GDA: variants seen among roughly 807,000 people sequenced by gnomAD.
GDA encodes cytoplasmic PSD-95 interactor.
In GDA, 18 loss-of-function variants were observed where a neutral mutation model predicts 59.6. That is an observed-to-expected ratio of 0.30 (90% confidence interval 0.21 to 0.45). The LOEUF is 0.45. GDA is among the 20% of genes least tolerant of loss of function. The pLI is 1.00. For synonymous variants in GDA, 201 were observed against 201.1 expected (o/e 1.00, Z 0.00); for missense variants, 427 against 552.3 (o/e 0.77, Z 2.27).
chr9:72,119,931 C>G (rs1430510555), intron 1 of GDA, among the ~76,000 whole-genome samples: 1 of 152,152 alleles, frequency 6.6e-6, no homozygotes, highest in Non-Finnish European at 1.5e-5. Context: ...AAAAGAGTCA[C>G]ATTTCTGTGT....
At position 72,248,142 on chromosome 9, in the gene GDA, G is replaced by A. The variant is rs969654704; in HGVS notation, c.1295-130G>A. The A allele has an allele frequency of 4.3e-5, 30 of 703,516 alleles. 1 individual carries two copies. Among genetic ancestry groups the A allele is most frequent in the East Asian group, 1.3e-4 (5 of 39,916 alleles). The allele number at this position is 703,516 out of a possible 1,614,324, so 43.6% of individuals were successfully genotyped here. A position where few individuals can be genotyped will look rare whatever the true frequency, so the allele number is the denominator to read the frequency against. ...CTGTTCAGATTATAAACAATCTGAG[G>A]GTTGGGGGAAAGCAGCTTTTAGTAT... is the stretch of plus-strand genomic sequence containing the variant. On this transcript the variant is annotated intron_variant, in intron 13 of 13. Transcript: ENST00000358399.
At chr9:72,169,760 TAACA>T (rs1041626009) in intron 1 of GDA, among the ~76,000 whole-genome samples, 3 of 152,208 alleles carry the variant, frequency 2.0e-5, no homozygotes, top group Non-Finnish European at 4.4e-5. Context: ...GTCAATCTGA[TAACA>T]AACAAGCTAA....
chr9:72,238,559 T>C (rs1212068550), intron 10 of GDA, among the ~76,000 whole-genome samples: 1 of 152,254 alleles, frequency 6.6e-6, no homozygotes, highest in Non-Finnish European at 1.5e-5. Flanking sequence ...GATTGCTGAA[T>C]AAGTGAATGA....
chr9:72,143,548 A>G (rs1826518599), intron 1 of GDA, among the ~76,000 whole-genome samples: 1 of 152,194 alleles, frequency 6.6e-6, no homozygotes, highest in South Asian at 2.1e-4. Flanking sequence ...ACAGCTGCCT[A>G]CATACTACTT....
intron 1 of GDA, among the ~76,000 whole-genome samples, chr9:72,173,475 C>T (rs553113988): frequency 5.9e-5 from 9 of 152,078 alleles, no homozygotes; most frequent in African/African-American, 1.4e-4. Flanking sequence ...GGAATACAGG[C>T]GTGTGCCACC....
chr9:72,144,661 G>T (rs1024235603), upstream of GDA, among the ~76,000 whole-genome samples: 3 of 152,106 alleles, frequency 2.0e-5, no homozygotes, highest in Non-Finnish European at 4.4e-5. Flanking sequence ...TCTCTCTATT[G>T]TCAGTAAATA....
In GDA at chr9:72,245,161, T is replaced by G. The variant is rs761636375; in HGVS notation, c.1149T>G (p.Asp383Glu). 5.0e-6 allele frequency: 8 copies of G among 1,613,816 alleles called. No homozygotes were observed. The South Asian group carries it at 8.8e-5, about 18-fold the overall frequency. ...TGTTCTCAATAGCCCTGGGGCTGGATGGTGAGATTGGAAACTTTGAAGTGG... is the reference window on the plus strand; with the variant it reads ...TGTTCTCAATAGCCCTGGGGCTGGAGGGTGAGATTGGAAACTTTGAAGTGG... ...TLGGSQALGL[D>E]GEIGNFEVGK... The change falls in exon 12 of 14, where the codon GAT becomes GAG. Residue 383 changes from aspartate to glutamate, a missense_variant. Transcript: ENST00000358399.
At position 72,252,080 on chromosome 9, in the gene GDA, C is replaced by T. The variant is rs1424904202; in HGVS notation, c.*3738C>T. Reference sequence around the variant, plus strand: ...ACCACTTTACATTTGTTGTTAAACTCCTGATCGCTACTCTTAAGAATATAC... The same window carrying T: ...ACCACTTTACATTTGTTGTTAAACTTCTGATCGCTACTCTTAAGAATATAC... On this transcript the variant is annotated 3_prime_UTR_variant, in exon 14 of 14. Coordinates refer to ENST00000358399, the MANE Select transcript of GDA (RefSeq NM_004293.5). 6.6e-6 allele frequency: 1 copy of T among 152,542 alleles called. No individual in the cohort carries two copies. Among genetic ancestry groups the T allele is most frequent in the Non-Finnish European group, 1.5e-5 (1 of 68,002 alleles). The allele number at this position is 152,542 out of a possible 1,614,324, so 9.4% of individuals were successfully genotyped here.
chr9:72,258,838 C>T (rs2131914708), downstream of GDA, among the ~76,000 whole-genome samples: 1 of 152,234 alleles, frequency 6.6e-6, no homozygotes, highest in Admixed American at 6.5e-5. Context: ...TCTTCTGCTG[C>T]AGTGTGCCCC....
chr9:72,199,279 G>A lies in GDA; in HGVS notation c.213-3292G>A, dbSNP rs190420648. ...GCTTCTGTGTGTACCAATATTATCTGTAATTAATCCTGGACTGTAACCTTG... is the reference window on the plus strand; with the variant it reads ...GCTTCTGTGTGTACCAATATTATCTATAATTAATCCTGGACTGTAACCTTG... On this transcript the variant is annotated intron_variant, in intron 2 of 13. Coordinates refer to ENST00000358399, the MANE Select transcript of GDA (RefSeq NM_004293.5). 2.7e-4 allele frequency among the ~76,000 whole-genome samples: 41 copies of A among 152,208 alleles called. 2 individuals carry two copies. The highest frequency in any genetic ancestry group is 1.3e-4 in the Non-Finnish European group (9 of 68,020).
intron 4 of GDA, 84 bp from the exon 5 acceptor site, chr9:72,213,802 C>CA (rs200145454): frequency 0.06 from 36,909 of 610,888 alleles, 197 homozygotes; most frequent in African/African-American, 0.15. Context: ...GACTCCGTCT[C>CA]AAAAAAAAAA....
intron 1 of GDA, among the ~76,000 whole-genome samples, chr9:72,183,509 A>G (rs888615540): frequency 3.9e-5 from 6 of 152,264 alleles, no homozygotes; most frequent in Admixed American, 2.6e-4. Context: ...AGAAAAAAAG[A>G]AAAGGAAAAG....
At chr9:72,160,136 A>G (rs117440341) in intron 1 of GDA, among the ~76,000 whole-genome samples, 5,650 of 152,086 alleles carry the variant, frequency 0.037, 146 homozygotes, top group Non-Finnish European at 0.052. Flanking sequence ...CGTCTCTACT[A>G]AAAACAAGAA....
At chr9:72,150,648 T>C (rs1046066608) in intron 1 of GDA, among the ~76,000 whole-genome samples, 6 of 152,236 alleles carry the variant, frequency 3.9e-5, no homozygotes, top group African/African-American at 1.4e-4. Context: ...TTAGCAAAAG[T>C]ACACATACTT....
intron 1 of GDA, among the ~76,000 whole-genome samples, chr9:72,171,203 T>G (rs1829934804): frequency 6.6e-6 from 1 of 152,224 alleles, no homozygotes; most frequent in Admixed American, 6.5e-5. Context: ...TTGTCAAATC[T>G]ATTGTATATT....
chr9:72,207,538 A>G (rs1834867950), intron 3 of GDA, among the ~76,000 whole-genome samples: 2 of 152,212 alleles, frequency 1.3e-5, no homozygotes, highest in East Asian at 3.8e-4. Context: ...TTCATTCAGT[A>G]AATATTTACT....
intron 1 of GDA, among the ~76,000 whole-genome samples, chr9:72,120,174 C>T (rs1400834976): frequency 1.4e-5 from 2 of 146,460 alleles, no homozygotes; most frequent in Middle Eastern, 3.4e-3. Flanking sequence ...ATAATTTTCC[C>T]AAAGAGATGC....
chr9:72,167,173 A>G (rs188261188), intron 1 of GDA, among the ~76,000 whole-genome samples: 6 of 152,192 alleles, frequency 3.9e-5, no homozygotes, highest in Admixed American at 2.0e-4. Flanking sequence ...AAAAGTATCA[A>G]AGAACTGAAA....
At chr9:72,199,970 A>G (rs1833733408) in intron 2 of GDA, among the ~76,000 whole-genome samples, 1 of 150,994 alleles carries the variant, frequency 6.6e-6, no homozygotes, top group Non-Finnish European at 1.5e-5. Flanking sequence ...TTACCTATAT[A>G]AGACCCTCAA....
Sources: gnomAD v4.1 joint callset for allele counts (sites outside exome capture counted in the v4.1 genomes callset) on GRCh38, gnomAD v4.1.1 for gene constraint, MANE v1.5 for transcripts, NCBI Gene and HGNC (gene_info 2026-07-23, HGNC 2026-07-21) for gene names.